The following CRY1 variants were observed in gnomAD, a reference collection of about 807,000 sequenced individuals.
The protein encoded by CRY1 is cryptochrome-1.
A neutral mutation model predicts 76.0 loss-of-function variants in CRY1; 45 were observed. The ratio of observed to expected loss-of-function variants is 0.59; its 90% CI spans 0.47 to 0.76. The LOEUF (loss-of-function observed/expected upper bound fraction) is 0.76. Among genes scored for constraint, CRY1 ranks in the 30% least tolerant of loss-of-function variants. The probability of loss-of-function intolerance (pLI) is 0.00; values close to 1 mark genes in which losing one functional copy is unlikely to be tolerated. For missense variants in CRY1, 587 were observed against 716.4 expected, an observed-to-expected ratio of 0.82 and a Z score of 2.06; for synonymous variants, 248 against 244.0, an observed-to-expected ratio of 1.02 and a Z score of -0.15.
intron 1 of CRY1, among the ~76,000 whole-genome samples, chr12:107,079,866 A>G (rs1476562050): frequency 2.0e-5 from 3 of 152,130 alleles, no homozygotes; most frequent in African/African-American, 7.2e-5. Flanking sequence ...AAATGTCATT[A>G]AAAGGTTTTA....
At position 107,008,934 on chromosome 12, in the gene CRY1, T is replaced by C. The variant is rs79334353; in HGVS notation, c.268-3686A>G. ...CATCTTCCACTAGGATTGTGAGGCC[T>C]CCCCAGTCACGTGAAACTGTGAGTC... On this transcript the variant is annotated intron_variant, in intron 2 of 12. Transcript: ENST00000008527. Among the ~76,000 whole-genome samples the C allele has an allele frequency of 4.0e-3, 606 of 152,324 alleles. 6 individuals carry two copies. Among genetic ancestry groups the C allele is most frequent in the African/African-American group, 0.014 (576 of 41,570 alleles).
At chr12:107,037,185 C>T (rs1952743474) in intron 1 of CRY1, among the ~76,000 whole-genome samples, 1 of 152,212 alleles carries the variant, frequency 6.6e-6, no homozygotes, top group Non-Finnish European at 1.5e-5. Context: ...AAGGCCCAGA[C>T]ACATGGGACC....
chr12:107,009,585 TATATATATATATATATAA>T (rs753898564), intron 2 of CRY1, among the ~76,000 whole-genome samples: 1,257 of 88,866 alleles, frequency 0.014, 70 homozygotes, highest in African/African-American at 0.064. Context: ...TATATATATA[TATATATATATATATATAA>T]AATCTCTATA....
At chr12:107,005,971 T>C (rs1324609144) in intron 2 of CRY1, among the ~76,000 whole-genome samples, 1 of 152,174 alleles carries the variant, frequency 6.6e-6, no homozygotes, top group Non-Finnish European at 1.5e-5. Context: ...CTAAGTCTAT[T>C]CTGATTTATC....
intron 1 of CRY1, among the ~76,000 whole-genome samples, chr12:107,057,410 C>T (rs985875310): frequency 6.6e-6 from 1 of 152,182 alleles, no homozygotes; most frequent in Non-Finnish European, 1.5e-5. Flanking sequence ...CCTACCCACT[C>T]GTGAATGAGT....
intron 1 of CRY1, among the ~76,000 whole-genome samples, chr12:107,025,979 C>A: frequency 6.7e-6 from 1 of 150,242 alleles, no homozygotes; most frequent in Admixed American, 6.7e-5. Context: ...AAGTTCATAT[C>A]ACACTAACCT....
intron 2 of CRY1, among the ~76,000 whole-genome samples, chr12:107,020,536 TG>T (rs1487456487): frequency 1.6e-4 from 23 of 145,866 alleles, no homozygotes; most frequent in East Asian, 1.2e-3. Flanking sequence ...TTTTTTTTTT[TG>T]TTTTTTGTTT....
intron 5 of CRY1, among the ~76,000 whole-genome samples, chr12:107,000,687 T>C (rs1221640285): frequency 6.6e-6 from 1 of 151,990 alleles, no homozygotes; most frequent in Non-Finnish European, 1.5e-5. Flanking sequence ...TCTCACTCCA[T>C]CACCCAGGCT....
At chr12:107,067,209 A>T (rs573298928) in intron 1 of CRY1, among the ~76,000 whole-genome samples, 183 of 152,120 alleles carry the variant, frequency 1.2e-3, no homozygotes, top group Admixed American at 2.1e-3. Context: ...AGGGCTGCAT[A>T]AAAAAAAGAA....
intron 10 of CRY1, among the ~76,000 whole-genome samples, chr12:106,994,093 G>T (rs1000814570): frequency 3.3e-5 from 5 of 151,978 alleles, no homozygotes; most frequent in Non-Finnish European, 4.4e-5. Flanking sequence ...ACAAGTAAAA[G>T]AATTTTGCCC....
chr12:107,040,437 C>T (rs944974477), intron 1 of CRY1, among the ~76,000 whole-genome samples: 4 of 151,720 alleles, frequency 2.6e-5, no homozygotes, highest in Non-Finnish European at 5.9e-5. Flanking sequence ...AGGTGTGCAC[C>T]ACCACACCTG....
intron 1 of CRY1, among the ~76,000 whole-genome samples, chr12:107,081,808 G>A (rs550773665): frequency 6.6e-5 from 10 of 151,974 alleles, no homozygotes; most frequent in Admixed American, 5.9e-4. Flanking sequence ...GAAGTTATTT[G>A]GTCATATGCA....
chr12:107,000,112 C>G, intron 5 of CRY1, 30 bp from the exon 6 acceptor site: 1 of 1,547,952 alleles, frequency 6.5e-7, no homozygotes, highest in Non-Finnish European at 8.7e-7. Flanking sequence ...ATTATATTAA[C>G]TAATTGTCTT....
At chr12:106,997,804 C>G (rs1952250438) in intron 8 of CRY1, 111 bp downstream of exon 8, 1 of 1,528,890 alleles carries the variant, frequency 6.5e-7, no homozygotes, top group Non-Finnish European at 8.9e-7. Context: ...GTTTACCCTT[C>G]TCATCTCTGC....
rs577958100 is a variant in CRY1, at chr12:107,085,065, GC to G, written c.158+7738del. On this transcript the variant is annotated intron_variant, in intron 1 of 12. Coordinates refer to ENST00000008527, the MANE Select transcript of CRY1 (RefSeq NM_004075.5). ...TGTGGCCAAAAAACATGAAAAAAAAGCTCATCATCACTGGTCATTAGAGAAA... is the reference window on the plus strand; with the variant it reads ...TGTGGCCAAAAAACATGAAAAAAAAGTCATCATCACTGGTCATTAGAGAAA... Among the ~76,000 whole-genome samples, 37 of 151,154 alleles carry G rather than the reference GC, an allele frequency of 2.4e-4. No homozygotes were observed. In the East Asian group the frequency reaches 7.0e-3, roughly 28 times the overall value.
At chr12:107,029,854 T>C (rs569938357) in intron 1 of CRY1, among the ~76,000 whole-genome samples, 19 of 152,242 alleles carry the variant, frequency 1.2e-4, no homozygotes, top group African/African-American at 4.6e-4. Context: ...ACATATAAAA[T>C]ACAAATAGAT....
At chr12:107,002,828 T>C (rs1952326792) in intron 3 of CRY1, among the ~76,000 whole-genome samples, 1 of 152,172 alleles carries the variant, frequency 6.6e-6, no homozygotes, top group East Asian at 1.9e-4. Context: ...TCACAAGATC[T>C]GATGGTTTTT....
At chr12:107,008,978 T>G (rs1032705402) in intron 2 of CRY1, among the ~76,000 whole-genome samples, 7 of 152,206 alleles carry the variant, frequency 4.6e-5, no homozygotes, top group Admixed American at 2.6e-4. Context: ...CTCTTTCCTT[T>G]ATAAATTACC....
At chr12:107,031,898 T>A (rs1001890429) in intron 1 of CRY1, among the ~76,000 whole-genome samples, 1 of 152,144 alleles carries the variant, frequency 6.6e-6, no homozygotes, top group African/African-American at 2.4e-5. Flanking sequence ...CTGAATAAAG[T>A]CTGGAGTTTA....
Sources: allele counts gnomAD v4.1 joint callset (sites outside exome capture counted in the v4.1 genomes callset), GRCh38; gene constraint gnomAD v4.1.1; transcripts MANE v1.5; gene names NCBI Gene and HGNC (gene_info 2026-07-23, HGNC 2026-07-21).